Variants in KANK1 observed in about 807,000 individuals in gnomAD.
KANK1 encodes KN motif and ankyrin repeat domain-containing protein 1.
Under a neutral mutation model 106.2 loss-of-function variants are expected in KANK1, and 109 were observed. The observed-to-expected ratio is 1.03, with a 90% confidence interval of 0.88 to 1.20. KANK1 has a LOEUF of 1.20. Among genes scored for constraint, KANK1 ranks in the 50% most tolerant of loss-of-function variants. The probability of loss-of-function intolerance (pLI) is 0.00; values close to 1 mark genes in which losing one functional copy is unlikely to be tolerated. For missense variants in KANK1, 2,399 were observed against 1,710.7 expected (o/e 1.40, Z -7.10); for synonymous variants, 873 against 652.2 (o/e 1.34, Z -5.16).
intron 1 of KANK1, among the ~76,000 whole-genome samples, chr9:511,028 G>T (rs2059006697): frequency 1.3e-5 from 2 of 152,178 alleles, no homozygotes; most frequent in South Asian, 4.1e-4. Context: ...AGTTCATAGG[G>T]AATGAATGTA....
At position 710,793 on chromosome 9, in the gene KANK1, C is replaced by T. The variant is rs1469169343; in HGVS notation, c.38-11C>T. Reference sequence around the variant, plus strand: ...GCATGTCATTATAATATTCTTTTCTCCCTCTTCTAGGAAAAGCAGGTGATA... The same window carrying T: ...GCATGTCATTATAATATTCTTTTCTTCCTCTTCTAGGAAAAGCAGGTGATA... On this transcript the variant is annotated splice_polypyrimidine_tract_variant and intron_variant, in intron 2 of 11. Coordinates refer to ENST00000382297, the MANE Select transcript of KANK1 (RefSeq NM_015158.5). 2.6e-6 allele frequency: 4 copies of T among 1,559,464 alleles called. No homozygotes were observed. The highest frequency in any genetic ancestry group is 4.5e-5 in the East Asian group (2 of 44,542).
chr9:523,145 G>C (rs1445845455), intron 1 of KANK1, among the ~76,000 whole-genome samples: 3 of 150,960 alleles, frequency 2.0e-5, no homozygotes, highest in Non-Finnish European at 4.4e-5. Context: ...CACTCTGTAA[G>C]GCCCAACTCC....
intron 2 of KANK1, 118 bp from the exon 3 acceptor site, chr9:710,686 A>G (rs948667631): frequency 1.2e-6 from 1 of 852,924 alleles, no homozygotes; most frequent in Non-Finnish European, 1.8e-6. Context: ...GGTTCAAAAC[A>G]TAGGTGTGTC....
In KANK1 at chr9:715,227, C is replaced by T. The variant is rs1827360338; in HGVS notation, c.2698+1763C>T. Among the ~76,000 whole-genome samples the T allele has an allele frequency of 2.0e-5, 3 of 152,096 alleles. No homozygotes were observed. In the South Asian group the frequency reaches 6.2e-4, roughly 32 times the overall value. ...GAGTCTAATAAACATACAGGGAAGTCATTTTAGAATAAACAGGATTAAAAA... is the reference window on the plus strand; with the variant it reads ...GAGTCTAATAAACATACAGGGAAGTTATTTTAGAATAAACAGGATTAAAAA... On this transcript the variant is annotated intron_variant, in intron 3 of 11. Coordinates refer to ENST00000382297, the MANE Select transcript of KANK1 (RefSeq NM_015158.5).
At chr9:700,830 G>A (rs530649365) in intron 2 of KANK1, among the ~76,000 whole-genome samples, 2 of 152,266 alleles carry the variant, frequency 1.3e-5, no homozygotes, top group Non-Finnish European at 2.9e-5. Context: ...TCACAGCACC[G>A]TCAGTCAGTA....
At chr9:685,711 T>C (rs1277215332) in intron 2 of KANK1, among the ~76,000 whole-genome samples, 1 of 152,234 alleles carries the variant, frequency 6.6e-6, no homozygotes, top group Non-Finnish European at 1.5e-5. Flanking sequence ...TTTTTCATGA[T>C]TTTATTCCAT....
intron 1 of KANK1, among the ~76,000 whole-genome samples, chr9:607,312 C>T (rs1294025284): frequency 6.6e-6 from 1 of 151,460 alleles, no homozygotes; most frequent in Non-Finnish European, 1.5e-5. Flanking sequence ...ATGGTGAGAA[C>T]CCGTCTCTAC....
intron 1 of KANK1, among the ~76,000 whole-genome samples, chr9:630,813 G>C (rs1243158314): frequency 1.3e-5 from 2 of 152,112 alleles, no homozygotes; most frequent in Non-Finnish European, 2.9e-5. Flanking sequence ...TGAGGCACGA[G>C]AATCACTTGA....
intron 1 of KANK1, among the ~76,000 whole-genome samples, chr9:517,808 G>A (rs114965558): frequency 0.029 from 4,342 of 149,352 alleles, 293 homozygotes; most frequent in South Asian, 0.11. Flanking sequence ...GCGTGATCTC[G>A]GCTCACTGGA....
At chr9:655,342 G>A (rs967471173) in intron 1 of KANK1, among the ~76,000 whole-genome samples, 2 of 146,162 alleles carry the variant, frequency 1.4e-5, no homozygotes, top group East Asian at 4.0e-4. Context: ...TTGCACTCCA[G>A]CCTGGGAAAC....
chr9:517,989 C>T (rs2059366487), intron 1 of KANK1, among the ~76,000 whole-genome samples: 1 of 151,568 alleles, frequency 6.6e-6, no homozygotes, highest in South Asian at 2.1e-4. Context: ...CCACCTGCCT[C>T]AGCCTTCCAG....
At chr9:610,160 C>A (rs1390886417) in intron 1 of KANK1, among the ~76,000 whole-genome samples, 1 of 151,980 alleles carries the variant, frequency 6.6e-6, no homozygotes, top group South Asian at 2.1e-4. Context: ...TACTTCCTTG[C>A]GATAAGTTCA....
intron 2 of KANK1, among the ~76,000 whole-genome samples, chr9:704,154 T>C (rs1029004891): frequency 2.0e-5 from 3 of 152,248 alleles, no homozygotes; most frequent in African/African-American, 7.2e-5. Flanking sequence ...GGGGAAGAAC[T>C]GTAGTACCTG....
chr9:620,971 T>TA (rs1833014241), intron 1 of KANK1, among the ~76,000 whole-genome samples: 3 of 152,184 alleles, frequency 2.0e-5, no homozygotes, highest in Admixed American at 2.0e-4. Context: ...TAACCAGAGT[T>TA]AAGCCTCTTG....
chr9:644,744 A>G (rs549693049), intron 1 of KANK1, among the ~76,000 whole-genome samples: 1 of 151,114 alleles, frequency 6.6e-6, no homozygotes, highest in South Asian at 2.1e-4. Flanking sequence ...TGATGGGGAC[A>G]CAGATCTAAA....
intron 2 of KANK1, among the ~76,000 whole-genome samples, chr9:688,859 G>T (rs749733615): frequency 6.6e-6 from 1 of 152,154 alleles, no homozygotes; most frequent in African/African-American, 2.4e-5. Flanking sequence ...TTGGTGGGCT[G>T]GTTGCAACCG....
chr9:588,513 A>T (rs1158588647), intron 1 of KANK1, among the ~76,000 whole-genome samples: 1 of 152,162 alleles, frequency 6.6e-6, no homozygotes, highest in Non-Finnish European at 1.5e-5. Flanking sequence ...ACCAGTTTAT[A>T]ATCTCAGTAG....
chr9:623,259 T>C (rs1833579098), intron 1 of KANK1, among the ~76,000 whole-genome samples: 1 of 151,982 alleles, frequency 6.6e-6, no homozygotes, highest in African/African-American at 2.4e-5. Context: ...TAATAGACAC[T>C]TTTCCAAAGA....
chr9:552,010 C>A lies in KANK1; in HGVS notation c.-84+47256C>A, dbSNP rs150450487. ...GGTCAAGGCTGCAACGAGCTATGAT[C>A]GCACCACTGTATTCCAGCCTGGGTA... On this transcript the variant is annotated intron_variant, in intron 1 of 11. Transcript: ENST00000382297. Among the ~76,000 whole-genome samples, 8 of 152,102 alleles carry A rather than the reference C, an allele frequency of 5.3e-5. No homozygotes were observed. In the East Asian group the frequency reaches 1.4e-3, roughly 26 times the overall value.
Sources: allele counts gnomAD v4.1 joint callset (sites outside exome capture counted in the v4.1 genomes callset), GRCh38; gene constraint gnomAD v4.1.1; transcripts MANE v1.5; gene names NCBI Gene and HGNC (gene_info 2026-07-23, HGNC 2026-07-21).